The following IQGAP2 variants were observed in gnomAD, a reference collection of about 807,000 sequenced individuals.
IQGAP2 encodes the protein ras GTPase-activating-like protein IQGAP2.
A neutral mutation model predicts 201.3 loss-of-function variants in IQGAP2; 173 were observed. That is an observed-to-expected ratio of 0.86 (90% CI 0.76 to 0.98). IQGAP2 has a LOEUF of 0.98. Ranked by LOEUF, IQGAP2 falls within the 50% of genes least tolerant of loss-of-function variation. The pLI is 0.00. For synonymous variants in IQGAP2, 675 were observed against 673.9 expected, an observed-to-expected ratio of 1.00 and a Z score of -0.03; for missense variants, 1,687 against 1,864.8, an observed-to-expected ratio of 0.90 and a Z score of 1.76.
chr5:76,609,702 A>T (rs181406290), intron 12 of IQGAP2, among the ~76,000 whole-genome samples: 10 of 152,220 alleles, frequency 6.6e-5, no homozygotes, highest in Non-Finnish European at 1.3e-4. Flanking sequence ...AGAAATATGA[A>T]GTTTGACCTT....
intron 2 of IQGAP2, among the ~76,000 whole-genome samples, chr5:76,501,761 G>C (rs1184668224): frequency 1.4e-5 from 2 of 147,382 alleles, no homozygotes; most frequent in East Asian, 4.0e-4. Flanking sequence ...TCCTGCCTCA[G>C]CCTCCCAAGT....
chr5:76,636,634 T>C (rs1751151187), intron 15 of IQGAP2, among the ~76,000 whole-genome samples: 1 of 152,232 alleles, frequency 6.6e-6, no homozygotes, highest in Non-Finnish European at 1.5e-5. Context: ...TATCTCCTTA[T>C]TGGAGAAATT....
At chr5:76,662,730 C>T (rs1743370937) in intron 21 of IQGAP2, among the ~76,000 whole-genome samples, 1 of 152,196 alleles carries the variant, frequency 6.6e-6, no homozygotes, top group African/African-American at 2.4e-5. Context: ...CAGCCGCCTG[C>T]CTAGATTCCC....
chr5:76,424,192 G>T (rs1240858280), intron 1 of IQGAP2, among the ~76,000 whole-genome samples: 1 of 152,156 alleles, frequency 6.6e-6, no homozygotes, highest in Non-Finnish European at 1.5e-5. Flanking sequence ...ATTGTTTTCA[G>T]TGTGTTTATT....
At chr5:76,613,498 T>A (rs1748591741) in intron 13 of IQGAP2, among the ~76,000 whole-genome samples, 1 of 152,158 alleles carries the variant, frequency 6.6e-6, no homozygotes, top group Admixed American at 6.5e-5. Flanking sequence ...GAGGGTTCAA[T>A]GAGAATATAC....
intron 1 of IQGAP2, among the ~76,000 whole-genome samples, chr5:76,412,348 A>G (rs1400122386): frequency 6.6e-6 from 1 of 152,156 alleles, no homozygotes; most frequent in Non-Finnish European, 1.5e-5. Flanking sequence ...AATTTTTATT[A>G]AGAGATAGGA....
intron 1 of IQGAP2, among the ~76,000 whole-genome samples, chr5:76,444,011 C>T (rs1202932252): frequency 6.6e-6 from 1 of 152,142 alleles, no homozygotes; most frequent in African/African-American, 2.4e-5. Context: ...TGATCCTGCC[C>T]TCCAAGTGTA....
chr5:76,419,128 T>A (rs1405182818), intron 1 of IQGAP2, among the ~76,000 whole-genome samples: 1 of 152,134 alleles, frequency 6.6e-6, no homozygotes, highest in African/African-American at 2.4e-5. Flanking sequence ...ATAGGTGTTT[T>A]TATTTTAAAC....
chr5:76,472,831 A>G (rs1755186554), intron 2 of IQGAP2, among the ~76,000 whole-genome samples: 1 of 152,240 alleles, frequency 6.6e-6, no homozygotes, highest in Non-Finnish European at 1.5e-5. Context: ...TTTGTTTCTC[A>G]GGATCTTCAA....
chr5:76,666,856 A>G (rs1580767440), intron 22 of IQGAP2, among the ~76,000 whole-genome samples: 1 of 151,984 alleles, frequency 6.6e-6, no homozygotes, highest in Admixed American at 6.6e-5. Context: ...CAATCCTCCC[A>G]CCTTGGCCTC....
At chr5:76,476,356 C>T (rs1293284359) in intron 2 of IQGAP2, among the ~76,000 whole-genome samples, 3 of 152,042 alleles carry the variant, frequency 2.0e-5, no homozygotes, top group East Asian at 1.9e-4. Context: ...CAGGATGTGG[C>T]CTGGGAGAAA....
rs755152677 is a variant in IQGAP2, at chr5:76,575,770, G to A, written c.458+1G>A. The A allele has an allele frequency of 6.5e-7, 1 of 1,545,412 alleles. No homozygotes were observed. Among genetic ancestry groups the A allele is most frequent in the Non-Finnish European group, 8.8e-7 (1 of 1,136,604 alleles). The stretch of plus-strand genomic sequence containing the variant: ...TGATATATTGCATTCACGCACTGAG[G>A]TAGGGGGAAAATGCAGCTAAAAGGT... On this transcript the variant is annotated splice_donor_variant, in intron 5 of 35. Transcript: ENST00000274364. LOFTEE classifies it high-confidence loss of function.
In IQGAP2 at chr5:76,618,667, A is replaced by G. The variant is rs774327802; in HGVS notation, c.1521+7484A>G. ...CCTGTAATTGAAAGAAAGTATTAAC[A>G]TAAATGTATAGTTCAAGAGAAAAGA... On this transcript the variant is annotated intron_variant, in intron 13 of 35. Coordinates refer to ENST00000274364, the MANE Select transcript of IQGAP2 (RefSeq NM_006633.5). The G allele has an allele frequency of 5.9e-6, 9 of 1,537,044 alleles. No homozygotes were observed. The South Asian group carries it at 6.9e-5, about 12-fold the overall frequency.
intron 1 of IQGAP2, among the ~76,000 whole-genome samples, chr5:76,429,853 A>G (rs1752260994): frequency 1.1e-5 from 1 of 88,572 alleles, no homozygotes; most frequent in Non-Finnish European, 2.5e-5. Flanking sequence ...AATGAAAAGG[A>G]GACACAGACA....
chr5:76,504,951 C>T (rs1037148913), intron 2 of IQGAP2, among the ~76,000 whole-genome samples: 5 of 152,150 alleles, frequency 3.3e-5, no homozygotes, highest in Non-Finnish European at 7.4e-5. Context: ...CCCTTAGAGG[C>T]CTTACACCAG....
chr5:76,624,129 G>A (rs979602272), intron 13 of IQGAP2, among the ~76,000 whole-genome samples: 3 of 151,948 alleles, frequency 2.0e-5, no homozygotes, highest in Admixed American at 2.0e-4. Flanking sequence ...TTTAATAGTG[G>A]TAAAATATAC....
intron 15 of IQGAP2, 63 bp downstream of exon 15, chr5:76,632,089 A>C (rs922430290): frequency 1.5e-6 from 2 of 1,329,302 alleles, no homozygotes; most frequent in East Asian, 2.7e-5. Context: ...GTGGTATTAT[A>C]TTTTCTTAAT....
intron 2 of IQGAP2, among the ~76,000 whole-genome samples, chr5:76,518,118 C>A (rs913779970): frequency 1.3e-5 from 2 of 152,040 alleles, no homozygotes; most frequent in Non-Finnish European, 2.9e-5. Flanking sequence ...CCACCATGCC[C>A]AGGTAATTTT....
At chr5:76,644,879 C>A (rs1182889506) in intron 17 of IQGAP2, among the ~76,000 whole-genome samples, 1 of 152,208 alleles carries the variant, frequency 6.6e-6, no homozygotes, top group African/African-American at 2.4e-5. Flanking sequence ...GCTTTAAGTT[C>A]GGGATACATG....
Sources: gnomAD v4.1 joint callset for allele counts (sites outside exome capture counted in the v4.1 genomes callset) on GRCh38, gnomAD v4.1.1 for gene constraint, MANE v1.5 for transcripts, NCBI Gene and HGNC (gene_info 2026-07-23, HGNC 2026-07-21) for gene names.